The following BCAS2 variants were observed in gnomAD, a reference collection of about 807,000 sequenced individuals.
The protein encoded by BCAS2 is pre-mRNA-splicing factor SPF27.
In BCAS2, 34 loss-of-function variants were observed where a neutral mutation model predicts 35.3. The ratio of observed to expected loss-of-function variants is 0.96; its 90% CI spans 0.73 to 1.28. The LOEUF (loss-of-function observed/expected upper bound fraction) is 1.28, where lower values mean the gene tolerates loss of function less well. BCAS2 is among the 50% of genes most tolerant of loss of function. BCAS2 has a pLI of 0.00. For synonymous variants in BCAS2, 75 were observed against 91.6 expected (o/e 0.82, Z 1.03); for missense variants, 221 against 268.1 (o/e 0.82, Z 1.23).
At chr1:114,578,745 G>T (rs1287850276) in intron 2 of BCAS2, among the ~76,000 whole-genome samples, 1 of 152,136 alleles carries the variant, frequency 6.6e-6, no homozygotes, top group Non-Finnish European at 1.5e-5. Flanking sequence ...GGACCCTGCC[G>T]ATACTGTTCT....
At chr1:114,579,407 TAA>T (rs1046889723) in intron 2 of BCAS2, among the ~76,000 whole-genome samples, 2 of 152,200 alleles carry the variant, frequency 1.3e-5, no homozygotes, top group African/African-American at 4.8e-5. Flanking sequence ...AAAAGTATTT[TAA>T]AAAGTCTGTG....
Position 114,576,670 on chromosome 1 carries a change from C to T in BCAS2, c.257+18G>A, listed in dbSNP as rs1371772694. On this transcript the variant is annotated intron_variant, in intron 3 of 6. Coordinates refer to ENST00000369541, the MANE Select transcript of BCAS2 (RefSeq NM_005872.3). ...GTTACTACAAACTAAATTTTAATTT[C>T]CATTTTAATATTCTTACCGTTTCAT... The T allele has an allele frequency of 6.3e-7, 1 of 1,587,610 alleles. No homozygotes were observed. The highest frequency in any genetic ancestry group is 8.6e-7 in the Non-Finnish European group (1 of 1,159,930).
At chr1:114,568,637 G>A (rs201621012) in intron 6 of BCAS2, among the ~76,000 whole-genome samples, 2 of 151,290 alleles carry the variant, frequency 1.3e-5, no homozygotes, top group East Asian at 3.9e-4. Flanking sequence ...AATGTGCTGG[G>A]ATTACAGGCA....
intron 2 of BCAS2, among the ~76,000 whole-genome samples, chr1:114,578,378 G>C (rs906720508): frequency 6.6e-6 from 1 of 151,406 alleles, no homozygotes; most frequent in East Asian, 1.9e-4. Context: ...ATTCTGCAGT[G>C]ACAGACAAGG....
chr1:114,568,752 A>ATTTTTTTTTTTTTTTTT (rs1557929594), intron 6 of BCAS2, among the ~76,000 whole-genome samples: 1 of 122,082 alleles, frequency 8.2e-6, no homozygotes, highest in Non-Finnish European at 1.7e-5. Context: ...ATCTCTCTGT[A>ATTTTTTTTTTTTTTTTT]TTCTTTTTTT....
chr1:114,575,486 C>T (rs1181543398), intron 4 of BCAS2, 104 bp downstream of exon 4: 5 of 1,169,142 alleles, frequency 4.3e-6, no homozygotes, highest in Non-Finnish European at 5.8e-6. Context: ...TGAGCCACTG[C>T]ACCCAGCACC....
intron 5 of BCAS2, among the ~76,000 whole-genome samples, chr1:114,570,439 T>C (rs183026702): frequency 5.9e-4 from 90 of 152,346 alleles, no homozygotes; most frequent in Middle Eastern, 3.4e-3. Flanking sequence ...ATATGTGTTA[T>C]TCTGCAACTT....
chr1:114,580,594 G>T (rs1309641935), intron 2 of BCAS2, among the ~76,000 whole-genome samples: 3 of 151,896 alleles, frequency 2.0e-5, no homozygotes, highest in Non-Finnish European at 2.9e-5. Flanking sequence ...TCACTGTATT[G>T]TATTTTTCTG....
rs1332220520 is a variant in BCAS2, at chr1:114,576,718, C to T, written c.227G>A (p.Arg76Gln). The T allele has an allele frequency of 3.7e-6, 6 of 1,611,130 alleles. No individual in the cohort carries two copies. Among genetic ancestry groups the T allele is most frequent in the Admixed American group, 3.3e-5 (2 of 59,940 alleles). The change falls in exon 3 of 7, where the codon CGA (arginine) becomes CAA (glutamine). Residue 76 changes from arginine to glutamine, a missense_variant. By Grantham distance (43) the Arg-to-Gln change is conservative (BLOSUM62 1). Coordinates refer to ENST00000369541, the MANE Select transcript of BCAS2 (RefSeq NM_005872.3). ...CATACTGAGCAATTCAATTGGTTGT[C>T]GAGCAGCCAGTCTTTCAAATTCATT... ...MRNEFERLAA[R>Q]QPIELLSMKR...
At chr1:114,571,607 C>G (rs1216585440) in intron 4 of BCAS2, among the ~76,000 whole-genome samples, 1 of 152,170 alleles carries the variant, frequency 6.6e-6, no homozygotes, top group Non-Finnish European at 1.5e-5. Context: ...AATCTCCCCA[C>G]CTCAGCCTCC....
chr1:114,579,799 G>A (rs1485726492), intron 2 of BCAS2, among the ~76,000 whole-genome samples: 1 of 152,214 alleles, frequency 6.6e-6, no homozygotes, highest in Non-Finnish European at 1.5e-5. Flanking sequence ...CCGGAAGGTG[G>A]AGGTTGCAGT....
chr1:114,579,560 C>T (rs1050038982), intron 2 of BCAS2, among the ~76,000 whole-genome samples: 8 of 152,160 alleles, frequency 5.3e-5, no homozygotes, highest in South Asian at 4.1e-4. Flanking sequence ...TAGGAACATA[C>T]GTCTTCTACT....
chr1:114,570,778 A>G, intron 4 of BCAS2, 28 bp from the exon 5 acceptor site: 1 of 1,425,738 alleles, frequency 7.0e-7, no homozygotes, highest in East Asian at 2.3e-5. Context: ...AATCAGATTA[A>G]AATACATTAA....
chr1:114,571,069 T>C (rs1301675157), intron 4 of BCAS2, among the ~76,000 whole-genome samples: 1 of 152,000 alleles, frequency 6.6e-6, no homozygotes, highest in Non-Finnish European at 1.5e-5. Flanking sequence ...GTTACTTTTT[T>C]TTTTTTGAGA....
chr1:114,577,141 T>C (rs771364427), intron 2 of BCAS2, among the ~76,000 whole-genome samples: 89 of 152,190 alleles, frequency 5.8e-4, no homozygotes, highest in Non-Finnish European at 5.3e-4. Context: ...TAAGAGGTGA[T>C]TGGGTTATGA....
chr1:114,581,512 C>G lies in BCAS2; in HGVS notation c.80G>C (p.Gly27Ala). 1 of 1,614,194 alleles carries G rather than the reference C, an allele frequency of 6.2e-7. No individual in the cohort carries two copies. The highest frequency in any genetic ancestry group is 8.5e-7 in the Non-Finnish European group (1 of 1,180,038). The change falls in exon 1 of 7, where the codon GGT becomes GCT. Residue 27 changes from glycine (G) to alanine (A), a missense_variant. Coordinates refer to ENST00000369541, the MANE Select transcript of BCAS2 (RefSeq NM_005872.3). ...PYFDQGYEAP[G>A]VREAAAALVE... ...CCCCGCACTCACCGCTTCCCGCACA[C>G]CAGGGGCTTCATAACCTTGATCAAA...
Position 114,581,202 on chromosome 1 carries a change from T to G in BCAS2, c.186+97A>C, listed in dbSNP as rs988141539. The stretch of plus-strand genomic sequence containing the variant: ...ACCTATACAGTAGGTAAGTAGTAGC[T>G]ATGCAGGCAATGGTTAAAACTGGAA... On this transcript the variant is annotated intron_variant, in intron 2 of 6. Coordinates refer to ENST00000369541, the MANE Select transcript of BCAS2 (RefSeq NM_005872.3). 2.5e-6 allele frequency: 3 copies of G among 1,201,480 alleles called. No individual in the cohort carries two copies. In the African/African-American group the frequency reaches 4.5e-5, roughly 18 times the overall value. 74.4% of individuals were successfully genotyped at this position (1,201,480 alleles called of 1,614,324 possible). A position where few individuals can be genotyped will look rare whatever the true frequency, so the allele number is the denominator to read the frequency against.
intron 6 of BCAS2, 111 bp from the exon 7 acceptor site, chr1:114,568,367 A>ACTT: frequency 1.1e-6 from 1 of 899,772 alleles, no homozygotes; most frequent in Non-Finnish European, 1.5e-6. Context: ...ACTAACCTTC[A>ACTT]CTTTTTTTTT....
In BCAS2 at chr1:114,581,303, A is replaced by G. The variant is rs751828155; in HGVS notation, c.182T>C (p.Phe61Ser). The G allele has an allele frequency of 2.5e-6, 4 of 1,614,088 alleles. No homozygotes were observed. In the East Asian group the frequency reaches 8.9e-5, roughly 36 times the overall value. Reference sequence around the variant, plus strand: ...CTAGGCTCAAGACATACTTACTTCAAAGGCAGAATAATCCGGGGCTGTCAG... The same window carrying G: ...CTAGGCTCAAGACATACTTACTTCAGAGGCAGAATAATCCGGGGCTGTCAG... ...SYLTAPDYSA[F>S]ETDIMRNEFE... The change falls in exon 2 of 7, where the codon TTT becomes TCT. Residue 61 changes from phenylalanine to serine, a missense_variant. Phe to Ser is a radical substitution (Grantham distance 155). Coordinates refer to ENST00000369541, the MANE Select transcript of BCAS2 (RefSeq NM_005872.3).
Sources: gnomAD v4.1 joint callset for allele counts (sites outside exome capture counted in the v4.1 genomes callset) on GRCh38, gnomAD v4.1.1 for gene constraint, MANE v1.5 for transcripts, NCBI Gene and HGNC (gene_info 2026-07-23, HGNC 2026-07-21) for gene names.